Variants in TACC1 observed in about 807,000 individuals in gnomAD.
The protein encoded by TACC1 is transforming acidic coiled-coil containing protein 1.
TACC1 carries 48 observed loss-of-function variants against 84.4 expected under a neutral mutation model. The ratio of observed to expected loss-of-function variants is 0.57; its 90% confidence interval spans 0.45 to 0.72. The LOEUF (loss-of-function observed/expected upper bound fraction) is 0.72. Ranked by LOEUF, TACC1 falls within the 30% of genes least tolerant of loss-of-function variation. The probability of loss-of-function intolerance (pLI) is 0.00; values close to 1 mark genes in which losing one functional copy is unlikely to be tolerated. For synonymous variants in TACC1, 372 were observed against 376.3 expected (o/e 0.99, Z 0.13); for missense variants, 920 against 973.0 (o/e 0.95, Z 0.72).
intron 3 of TACC1, among the ~76,000 whole-genome samples, chr8:38,762,282 C>T (rs2151822390): frequency 6.6e-6 from 1 of 152,284 alleles, no homozygotes; most frequent in East Asian, 1.9e-4. Flanking sequence ...ACTTTTCACT[C>T]CTCCTTCCCC....
At chr8:38,807,036 T>C (rs879461648) in intron 2 of TACC1, among the ~76,000 whole-genome samples, 5 of 152,198 alleles carry the variant, frequency 3.3e-5, no homozygotes, top group Non-Finnish European at 7.3e-5. Context: ...TGGTTTGTTA[T>C]AAAGGATACA....
At chr8:38,757,205 G>C (rs1198317023) in intron 3 of TACC1, 3 of 465,238 alleles carry the variant, frequency 6.4e-6, no homozygotes, top group South Asian at 4.9e-5. Flanking sequence ...CCCTACGGCC[G>C]GGCGCCCCAC....
chr8:38,822,245 T>A (rs1480844758), intron 3 of TACC1, among the ~76,000 whole-genome samples: 9 of 118,976 alleles, frequency 7.6e-5, no homozygotes, highest in African/African-American at 9.7e-5. Context: ...ACCCTGTCTT[T>A]AAAAAAAAAA....
intron 2 of TACC1, among the ~76,000 whole-genome samples, chr8:38,797,586 G>A (rs1013285019): frequency 2.0e-5 from 3 of 152,204 alleles, no homozygotes; most frequent in Admixed American, 6.5e-5. Flanking sequence ...GCTCTGTCTG[G>A]AGGCCCCTCT....
At chr8:38,778,594 T>C (rs1015176025) in intron 3 of TACC1, among the ~76,000 whole-genome samples, 4 of 152,228 alleles carry the variant, frequency 2.6e-5, no homozygotes, top group African/African-American at 9.7e-5. Flanking sequence ...CTCCCTTGCA[T>C]GGGCCCCTTC....
intron 3 of TACC1, among the ~76,000 whole-genome samples, chr8:38,753,614 T>C (rs1809424745): frequency 6.6e-6 from 1 of 152,182 alleles, no homozygotes; most frequent in Non-Finnish European, 1.5e-5. Context: ...CTCTGGTCTG[T>C]CTTGGACATT....
intron 2 of TACC1, chr8:38,802,240 T>G (rs1388357100): frequency 6.6e-6 from 1 of 152,274 alleles, no homozygotes; most frequent in African/African-American, 2.4e-5. Context: ...GTTGTCTCAG[T>G]CCGTTTTGTA....
chr8:38,836,079 T>G, intron 6 of TACC1, 83 bp from the exon 7 acceptor site: 1 of 1,567,676 alleles, frequency 6.4e-7, no homozygotes, highest in Non-Finnish European at 8.7e-7. Flanking sequence ...TGTGATCAAT[T>G]TAGTAATGAG....
At chr8:38,805,216 G>C (rs1479646547) in intron 2 of TACC1, among the ~76,000 whole-genome samples, 1 of 152,166 alleles carries the variant, frequency 6.6e-6, no homozygotes, top group Non-Finnish European at 1.5e-5. Flanking sequence ...ACATACCTTA[G>C]ATGAATTATC....
rs368667882 is a variant in TACC1, at chr8:38,820,625, C to T, written c.1381C>T (p.Arg461Cys). ...AGAATCACCCAAGAAGGCAAAGTCGCGTTTAATAACGTGAGTGACAGTGGG... is the reference window on the plus strand; with the variant it reads ...AGAATCACCCAAGAAGGCAAAGTCGTGTTTAATAACGTGAGTGACAGTGGG... ...ILESPKKAKSRLITSGCKVKK... is the reference protein window; with the variant it reads ...ILESPKKAKSCLITSGCKVKK... The change falls in exon 3 of 13, where the codon CGT (arginine) becomes TGT (cysteine). Residue 461 changes from arginine to cysteine, a missense_variant. This residue lies in a region of TACC1 where 762 missense variants were observed against 747.3 expected (regional missense o/e 1.02). Coordinates refer to ENST00000317827, the MANE Select transcript of TACC1 (RefSeq NM_006283.3). 19 of 1,603,942 alleles carry T rather than the reference C, an allele frequency of 1.2e-5. No individual in the cohort carries two copies. Among genetic ancestry groups the T allele is most frequent in the Non-Finnish European group, 1.4e-5 (17 of 1,178,788 alleles).
chr8:38,751,367 T>C (rs1809010451), intron 3 of TACC1, among the ~76,000 whole-genome samples: 1 of 152,260 alleles, frequency 6.6e-6, no homozygotes, highest in Admixed American at 6.5e-5. Context: ...GCTATAGCAC[T>C]GGAGCTATCT....
Position 38,852,595 on chromosome 8 carries a change from G to A in TACC1, c.*4572G>A, listed in dbSNP as rs1833242055. The A allele has an allele frequency of 6.6e-6, 1 of 152,666 alleles. No individual in the cohort carries two copies. Among genetic ancestry groups the A allele is most frequent in the African/African-American group, 2.4e-5 (1 of 41,452 alleles). The allele number at this position is 152,666 out of a possible 1,614,324, so 9.5% of individuals were successfully genotyped here. On this transcript the variant is annotated 3_prime_UTR_variant, in exon 13 of 13. Coordinates refer to ENST00000317827, the MANE Select transcript of TACC1 (RefSeq NM_006283.3). Reference sequence around the variant, plus strand: ...CAGTCCAGATACAGGGCAGCGTGTAGGTGACCACACCAGAGCCTCAGCCTC... The same window carrying A: ...CAGTCCAGATACAGGGCAGCGTGTAAGTGACCACACCAGAGCCTCAGCCTC...
intron 2 of TACC1, among the ~76,000 whole-genome samples, chr8:38,794,074 A>G (rs1197258604): frequency 6.6e-6 from 1 of 152,142 alleles, no homozygotes; most frequent in Non-Finnish European, 1.5e-5. Context: ...CCCAGGGGAG[A>G]GCCTGATGTG....
intron 3 of TACC1, among the ~76,000 whole-genome samples, chr8:38,766,354 T>C (rs1812250788): frequency 6.6e-6 from 1 of 152,264 alleles, no homozygotes; most frequent in Admixed American, 6.5e-5. Context: ...AAATACATTA[T>C]ATTTAGCCTC....
chr8:38,831,255 A>G (rs1379319364), intron 6 of TACC1, 78 bp downstream of exon 6: 1 of 1,461,596 alleles, frequency 6.8e-7, no homozygotes, highest in Non-Finnish European at 9.6e-7. Flanking sequence ...TGAATTTGTT[A>G]AATTCTGGTC....
At chr8:38,781,584 T>C (rs1253894603) in intron 3 of TACC1, among the ~76,000 whole-genome samples, 1 of 152,138 alleles carries the variant, frequency 6.6e-6, no homozygotes, top group East Asian at 1.9e-4. Context: ...TTTCGCCGTG[T>C]TGGCCAGGCT....
At position 38,820,165 on chromosome 8, in the gene TACC1, T is replaced by C. The variant is rs1404275629; in HGVS notation, c.921T>C (p.Val307=). The change falls in exon 3 of 13, where the codon GTT becomes GTC. Residue 307 remains valine, a synonymous_variant. Transcript: ENST00000317827. ...GTAGTGACACCAACGACTCAGGGGT[T>C]GAGCTGGGGGAGGAGTCGAGGAGCT... ...TLSSDTNDSG[V]ELGEESRSSP... The C allele has an allele frequency of 6.2e-7, 1 of 1,614,124 alleles. No individual in the cohort carries two copies. Among genetic ancestry groups the C allele is most frequent in the Non-Finnish European group, 8.5e-7 (1 of 1,180,024 alleles).
chr8:38,840,415 C>T, intron 9 of TACC1, 148 bp downstream of exon 9: 1 of 648,686 alleles, frequency 1.5e-6, no homozygotes, highest in Non-Finnish European at 2.6e-6. Flanking sequence ...TCAAGGTGCC[C>T]ACAGATGAGA....
At chr8:38,800,488 C>T (rs779648558) in intron 2 of TACC1, among the ~76,000 whole-genome samples, 7 of 152,124 alleles carry the variant, frequency 4.6e-5, no homozygotes, top group Non-Finnish European at 1.0e-4. Context: ...ATTATCTAAA[C>T]GTTTCATGTA....
Sources: allele counts gnomAD v4.1 joint callset (sites outside exome capture counted in the v4.1 genomes callset), GRCh38; gene constraint gnomAD v4.1.1; regional missense constraint gnomAD v4.1.1; transcripts MANE v1.5; gene names NCBI Gene and HGNC (gene_info 2026-07-23, HGNC 2026-07-21).